Variants in NRG3 observed in about 807,000 individuals in gnomAD.
NRG3 encodes the protein neuregulin 3.
A neutral mutation model predicts 66.9 loss-of-function variants in NRG3; 31 were observed. The observed-to-expected ratio is 0.46, with a 90% confidence interval of 0.35 to 0.63. The LOEUF is 0.63. Among genes scored for constraint, NRG3 ranks in the 20% least tolerant of loss-of-function variants. NRG3 has a pLI of 0.00. For synonymous variants in NRG3, 393 were observed against 359.4 expected, an observed-to-expected ratio of 1.09 and a Z score of -1.06; for missense variants, 910 against 878.9, an observed-to-expected ratio of 1.04 and a Z score of -0.45.
intron 1 of NRG3, among the ~76,000 whole-genome samples, chr10:81,901,404 T>A (rs1434975625): frequency 2.0e-5 from 3 of 152,204 alleles, no homozygotes; most frequent in African/African-American, 7.2e-5. Context: ...CAATGACTCA[T>A]ACCTATAATT....
At chr10:82,053,836 G>A (rs12411641) in intron 1 of NRG3, among the ~76,000 whole-genome samples, 3 of 152,192 alleles carry the variant, frequency 2.0e-5, no homozygotes, top group Non-Finnish European at 4.4e-5. Context: ...AAGGAGCTCA[G>A]TGGAAAAGAG....
At chr10:82,034,082 C>T (rs184105941) in intron 1 of NRG3, among the ~76,000 whole-genome samples, 2 of 152,210 alleles carry the variant, frequency 1.3e-5, no homozygotes, top group Admixed American at 1.3e-4. Context: ...AGCAACGAAG[C>T]AAGAGCTAGT....
chr10:82,785,017 A>G (rs1458512301), intron 3 of NRG3, among the ~76,000 whole-genome samples: 1 of 152,198 alleles, frequency 6.6e-6, no homozygotes, highest in South Asian at 2.1e-4. Context: ...ATGGAATACT[A>G]TGCAGCCATA....
intron 2 of NRG3, among the ~76,000 whole-genome samples, chr10:82,725,116 C>A (rs1289656807): frequency 6.6e-6 from 1 of 152,164 alleles, no homozygotes; most frequent in Admixed American, 6.5e-5. Context: ...TTTTCAAATT[C>A]AATAGCATGT....
chr10:82,783,994 T>G (rs944872155), intron 3 of NRG3, among the ~76,000 whole-genome samples: 18 of 151,904 alleles, frequency 1.2e-4, no homozygotes, highest in Non-Finnish European at 2.5e-4. Flanking sequence ...AGCATGGTAC[T>G]GGTACCAAAA....
At chr10:82,015,049 T>G (rs2061727145) in intron 1 of NRG3, among the ~76,000 whole-genome samples, 1 of 152,148 alleles carries the variant, frequency 6.6e-6, no homozygotes, top group African/African-American at 2.4e-5. Flanking sequence ...TCAAGTATAT[T>G]TCTCAAGACC....
intron 3 of NRG3, 149 bp from the exon 4 acceptor site, chr10:82,865,262 T>A: frequency 1.5e-6 from 1 of 670,286 alleles, no homozygotes; most frequent in Admixed American, 2.8e-5. Flanking sequence ...CTGTAATGTA[T>A]CTTTTCTAAG....
At chr10:82,485,773 C>T (rs1277650797) in intron 2 of NRG3, among the ~76,000 whole-genome samples, 1 of 118,824 alleles carries the variant, frequency 8.4e-6, no homozygotes, top group Non-Finnish European at 1.8e-5. Context: ...TTTATATGAC[C>T]ACAAAAGTAC....
intron 2 of NRG3, among the ~76,000 whole-genome samples, chr10:82,711,279 G>C (rs2056649115): frequency 6.6e-6 from 1 of 151,832 alleles, no homozygotes; most frequent in African/African-American, 2.4e-5. Flanking sequence ...TAGAGATGGA[G>C]CCCTGCCATG....
At position 82,979,093 on chromosome 10, in the gene NRG3, C is replaced by G. The variant is rs531162942; in HGVS notation, c.1556C>G (p.Pro519Arg). Residue 519 changes from proline (P) to arginine (R), a missense_variant, in exon 8 of 9, where the codon CCA becomes CGA. By Grantham distance (103) the Pro-to-Arg change is moderately radical (BLOSUM62 -2). Coordinates refer to ENST00000372141, the MANE Select transcript of NRG3 (RefSeq NM_001010848.4). ...CAGCAACTCGAAGAATCAAGGATCC[C>G]AGACCAGGATACGATACCTTGCCAA... ...AYQQLEESRIPDQDTIPCQGY... is the reference protein window; with the variant it reads ...AYQQLEESRIRDQDTIPCQGY... The G allele has an allele frequency of 2.5e-6, 4 of 1,614,064 alleles. No individual in the cohort carries two copies. Among genetic ancestry groups the G allele is most frequent in the Admixed American group, 1.7e-5 (1 of 60,014 alleles).
intron 3 of NRG3, among the ~76,000 whole-genome samples, chr10:82,819,490 G>A (rs949467062): frequency 1.3e-5 from 2 of 152,098 alleles, no homozygotes; most frequent in African/African-American, 4.8e-5. Flanking sequence ...GTAACCTTGC[G>A]CCAATGACTA....
At chr10:82,197,067 C>T (rs1041778908) in intron 1 of NRG3, among the ~76,000 whole-genome samples, 4 of 152,012 alleles carry the variant, frequency 2.6e-5, no homozygotes, top group Non-Finnish European at 5.9e-5. Flanking sequence ...AAATGCTGTC[C>T]GTCTTGAAAG....
chr10:82,605,718 C>T (rs2047927035), intron 2 of NRG3, among the ~76,000 whole-genome samples: 2 of 151,934 alleles, frequency 1.3e-5, no homozygotes. Context: ...TAGTAAAGTT[C>T]ACCAGTGAAT....
At chr10:82,109,219 G>A (rs560932524) in intron 1 of NRG3, among the ~76,000 whole-genome samples, 20 of 152,316 alleles carry the variant, frequency 1.3e-4, no homozygotes, top group African/African-American at 4.3e-4. Context: ...GAACATGGGA[G>A]ATTCCAGGCA....
chr10:82,805,510 T>C (rs2061240599), intron 3 of NRG3, among the ~76,000 whole-genome samples: 1 of 152,116 alleles, frequency 6.6e-6, no homozygotes, highest in Admixed American at 6.6e-5. Flanking sequence ...GCAAAATCCT[T>C]CCAGACCCTG....
At chr10:82,772,405 A>G (rs185647389) in intron 3 of NRG3, among the ~76,000 whole-genome samples, 4 of 152,180 alleles carry the variant, frequency 2.6e-5, no homozygotes, top group African/African-American at 9.6e-5. Flanking sequence ...GTCATGTTGC[A>G]CATTAGATCT....
intron 2 of NRG3, among the ~76,000 whole-genome samples, chr10:82,736,105 GAAAA>G (rs2134711179): frequency 6.6e-6 from 1 of 151,488 alleles, no homozygotes; most frequent in South Asian, 2.1e-4. Flanking sequence ...CTTTCAAAAA[GAAAA>G]AAGAAAATAA....
chr10:82,735,000 C>A, intron 2 of NRG3, among the ~76,000 whole-genome samples: 1 of 120,996 alleles, frequency 8.3e-6, no homozygotes, highest in South Asian at 2.7e-4. Flanking sequence ...GAGTAAGACT[C>A]TGCCTCAAAA....
chr10:82,611,471 A>C (rs1029065210), intron 2 of NRG3, among the ~76,000 whole-genome samples: 2 of 151,630 alleles, frequency 1.3e-5, no homozygotes, highest in African/African-American at 4.9e-5. Flanking sequence ...CCCTGTGTCC[A>C]TGTGTTCTCA....
Sources: gnomAD v4.1 joint callset for allele counts (sites outside exome capture counted in the v4.1 genomes callset) on GRCh38, gnomAD v4.1.1 for gene constraint, MANE v1.5 for transcripts, NCBI Gene and HGNC (gene_info 2026-07-23, HGNC 2026-07-21) for gene names.